UBE2L3: variants seen among roughly 807,000 people sequenced by gnomAD.
UBE2L3 encodes the protein ubiquitin-conjugating enzyme E2 L3.
A neutral mutation model predicts 17.8 loss-of-function variants in UBE2L3; 1 was observed. The ratio of observed to expected loss-of-function variants is 0.06; its 90% confidence interval spans 0.02 to 0.27. The LOEUF is 0.27. UBE2L3 is among the 10% of genes least tolerant of loss of function. UBE2L3 has a pLI of 1.00. For synonymous variants in UBE2L3, 44 were observed against 68.5 expected (o/e 0.64, Z 1.76); for missense variants, 40 against 192.6 (o/e 0.21, Z 4.69).
At chr22:21,618,388 C>T (rs552234315) in intron 3 of UBE2L3, among the ~76,000 whole-genome samples, 54 of 151,722 alleles carry the variant, frequency 3.6e-4, no homozygotes, top group Admixed American at 5.9e-4. Flanking sequence ...CACGGTGAAA[C>T]CCCGTCTCTA....
At chr22:21,610,197 G>T (rs1929406890) in intron 2 of UBE2L3, among the ~76,000 whole-genome samples, 1 of 152,166 alleles carries the variant, frequency 6.6e-6, no homozygotes, top group African/African-American at 2.4e-5. Context: ...GGGCAAGGCA[G>T]TTCTCAGGGG....
intron 1 of UBE2L3, among the ~76,000 whole-genome samples, chr22:21,560,393 G>A (rs1234686242): frequency 6.6e-6 from 1 of 152,326 alleles, no homozygotes; most frequent in Non-Finnish European, 1.5e-5. Flanking sequence ...CTGCTGCCAG[G>A]ACAGACGTAT....
At chr22:21,599,504 G>C (rs1928739572) in intron 2 of UBE2L3, among the ~76,000 whole-genome samples, 1 of 151,952 alleles carries the variant, frequency 6.6e-6, no homozygotes, top group African/African-American at 2.4e-5. Context: ...GGAATCCATG[G>C]TCTCTTAAGC....
intron 1 of UBE2L3, among the ~76,000 whole-genome samples, chr22:21,584,165 G>A (rs566511907): frequency 5.4e-5 from 8 of 147,054 alleles, no homozygotes; most frequent in Admixed American, 1.4e-4. Flanking sequence ...ATGAGCCACC[G>A]TGTCTGGCCT....
chr22:21,567,925 T>A lies in UBE2L3; in HGVS notation c.27+154T>A, dbSNP rs561574274. The A allele has an allele frequency of 2.8e-5, 41 of 1,483,510 alleles. No homozygotes were observed. In the African/African-American group the frequency reaches 5.7e-4, roughly 21 times the overall value. The allele number at this position is 1,483,510 out of a possible 1,614,324, so 91.9% of individuals were successfully genotyped here. On this transcript the variant is annotated intron_variant, in intron 1 of 3. Coordinates refer to ENST00000342192, the MANE Select transcript of UBE2L3 (RefSeq NM_003347.4). ...TGGGCCGCGCGCAGGCTCAAGGTGCTAACGGGGCTGGCCTAGGCCGCAGCC... is the reference window on the plus strand; with the variant it reads ...TGGGCCGCGCGCAGGCTCAAGGTGCAAACGGGGCTGGCCTAGGCCGCAGCC...
chr22:21,609,031 A>G (rs1416828262), intron 2 of UBE2L3, among the ~76,000 whole-genome samples: 1 of 151,754 alleles, frequency 6.6e-6, no homozygotes, highest in East Asian at 1.9e-4. Flanking sequence ...AGTAGCTGGG[A>G]CTACAGGCGC....
At chr22:21,613,120 A>T (rs1433657304) in intron 3 of UBE2L3, among the ~76,000 whole-genome samples, 2 of 152,194 alleles carry the variant, frequency 1.3e-5, no homozygotes, top group African/African-American at 4.8e-5. Context: ...GGTTCTGGCC[A>T]CAAAGAGTTC....
At chr22:21,582,144 A>C (rs76495601) in intron 1 of UBE2L3, among the ~76,000 whole-genome samples, 4 of 134,520 alleles carry the variant, frequency 3.0e-5, no homozygotes, top group African/African-American at 1.1e-4. Context: ...AAAAACAAAC[A>C]AAAAAAAAAA....
chr22:21,558,629 C>CAAAAA (rs131645), intron 1 of UBE2L3, among the ~76,000 whole-genome samples: 1 of 77,172 alleles, frequency 1.3e-5, no homozygotes, highest in Non-Finnish European at 3.0e-5. Context: ...GACTCTGTCT[C>CAAAAA]AAAAAAAAAA....
chr22:21,567,838 G>C, intron 1 of UBE2L3, 67 bp downstream of exon 1: 1 of 1,554,742 alleles, frequency 6.4e-7, no homozygotes, highest in Non-Finnish European at 8.7e-7. Flanking sequence ...CCCCGAGGCA[G>C]GCGGCGGCTT....
chr22:21,601,104 G>A (rs1298180978), intron 2 of UBE2L3, among the ~76,000 whole-genome samples: 1 of 152,054 alleles, frequency 6.6e-6, no homozygotes, highest in Middle Eastern at 3.2e-3. Flanking sequence ...CCAGGAGGTG[G>A]AGGTTGCAGT....
At chr22:21,585,201 G>T (rs1278620074) in intron 1 of UBE2L3, among the ~76,000 whole-genome samples, 4 of 152,176 alleles carry the variant, frequency 2.6e-5, no homozygotes, top group Admixed American at 6.5e-5. Flanking sequence ...ACAGCATTTG[G>T]CTCTGAATAG....
At chr22:21,577,685 A>T (rs1477188145) in intron 1 of UBE2L3, among the ~76,000 whole-genome samples, 1 of 152,116 alleles carries the variant, frequency 6.6e-6, no homozygotes, top group East Asian at 1.9e-4. Flanking sequence ...GGAGAAGAAG[A>T]GGGTTCATTT....
chr22:21,559,227 A>G (rs554200545), intron 1 of UBE2L3, among the ~76,000 whole-genome samples: 2 of 152,346 alleles, frequency 1.3e-5, no homozygotes, highest in Non-Finnish European at 2.9e-5. Context: ...AGGTGCCTGT[A>G]ATCCCAGCTA....
chr22:21,592,352 T>C (rs964421249), intron 1 of UBE2L3, among the ~76,000 whole-genome samples: 2 of 151,708 alleles, frequency 1.3e-5, no homozygotes, highest in African/African-American at 2.4e-5. Context: ...ATCACACTTA[T>C]AGCACTGGGT....
intron 1 of UBE2L3, among the ~76,000 whole-genome samples, chr22:21,579,222 C>G (rs1472648621): frequency 6.6e-6 from 1 of 151,976 alleles, no homozygotes; most frequent in Non-Finnish European, 1.5e-5. Context: ...GAACTTCTGA[C>G]CTCAGGTTAT....
At chr22:21,610,763 A>G (rs1929433703) in intron 2 of UBE2L3, 94 bp from the exon 3 acceptor site, 1 of 1,342,906 alleles carries the variant, frequency 7.4e-7, no homozygotes, top group East Asian at 2.6e-5. Context: ...CCTTGAAATA[A>G]ATTGATTTTT....
chr22:21,559,322 T>C (rs1926348252), intron 1 of UBE2L3, among the ~76,000 whole-genome samples: 1 of 150,702 alleles, frequency 6.6e-6, no homozygotes, highest in Non-Finnish European at 1.5e-5. Context: ...CACTCCAGCC[T>C]GGGTGACAGA....
At chr22:21,608,741 A>ATTTTTTTT (rs779049247) in intron 2 of UBE2L3, among the ~76,000 whole-genome samples, 7 of 109,858 alleles carry the variant, frequency 6.4e-5, no homozygotes, top group Admixed American at 1.0e-4. Flanking sequence ...AATATATTTA[A>ATTTTTTTT]TTTTTTTTTT....
Sources: gnomAD v4.1 joint callset for allele counts (sites outside exome capture counted in the v4.1 genomes callset) on GRCh38, gnomAD v4.1.1 for gene constraint, MANE v1.5 for transcripts, NCBI Gene and HGNC (gene_info 2026-07-23, HGNC 2026-07-21) for gene names.